Variants in NXF3 observed in about 807,000 individuals in gnomAD.
The protein encoded by NXF3 is nuclear RNA export factor 3.
In NXF3, 34 loss-of-function variants were observed where a neutral mutation model predicts 48.4. That is an observed-to-expected ratio of 0.70 (90% CI 0.53 to 0.93). NXF3 has a LOEUF of 0.93. Among genes scored for constraint, NXF3 ranks in the 40% least tolerant of loss-of-function variants. The probability of loss-of-function intolerance (pLI) is 0.00; values close to 1 mark genes in which losing one functional copy is unlikely to be tolerated. For synonymous variants in NXF3, 132 were observed against 145.7 expected (o/e 0.91, Z 0.68); for missense variants, 359 against 406.1 (o/e 0.88, Z 1.00).
At chrX:103,091,258 T>C (rs1922265191) in intron 1 of NXF3, among the ~76,000 whole-genome samples, 1 of 111,930 alleles carries the variant, frequency 8.9e-6, no homozygotes, top group Non-Finnish European at 1.9e-5. Flanking sequence ...AGTTGGAATA[T>C]TGTAAAAATT....
chrX:103,088,596 G>A lies in NXF3; in HGVS notation c.29-3713C>T. ...CTTCAGTGTGGTTTTTCAGTTCCAA[G>A]GGAAAACATACGTACTAGACATAAG... On this transcript the variant is annotated intron_variant, in intron 1 of 19. Transcript: ENST00000395065. 6 of 1,021,321 alleles carry A rather than the reference G, an allele frequency of 5.9e-6. No individual in the cohort carries two copies. In the East Asian group the frequency reaches 1.8e-4, roughly 31 times the overall value. 84.2% of individuals were successfully genotyped at this position (1,021,321 alleles called of 1,213,427 possible).
Position 103,082,334 on chromosome X carries a change from T to C in NXF3, c.811A>G (p.Lys271Glu), listed in dbSNP as rs781089713. The C allele has an allele frequency of 5.9e-5, 71 of 1,204,898 alleles. No individual in the cohort carries two copies. The Middle Eastern group carries it at 9.2e-4, about 16-fold the overall frequency. Residue 271 changes from lysine (K) to glutamate (E), a missense_variant, in exon 9 of 20, where the codon AAA (lysine) becomes GAA (glutamate). Physicochemically the swap from Lys to Glu is moderately conservative, Grantham distance 56. Transcript: ENST00000395065. Reference sequence around the variant, plus strand: ...CACTTCTCTCCTGGCTCTATCCCTTTCCACTTGTCCATCTCCCCTGCAGAC... The same window carrying C: ...CACTTCTCTCCTGGCTCTATCCCTTCCCACTTGTCCATCTCCCCTGCAGAC... Reference protein sequence around the residue: ...VMSAGEMDKWKGIEPGEKCAD... With the variant: ...VMSAGEMDKWEGIEPGEKCAD...
intron 1 of NXF3, among the ~76,000 whole-genome samples, chrX:103,090,568 G>A (rs1277978285): frequency 8.9e-6 from 1 of 112,371 alleles, no homozygotes; most frequent in Non-Finnish European, 1.9e-5. Context: ...AAGAGGAACA[G>A]GTGGGTAATT....
chrX:103,080,676 G>T, intron 9 of NXF3, 64 bp from the exon 10 acceptor site: 1 of 1,042,243 alleles, frequency 9.6e-7, no homozygotes, highest in Non-Finnish European at 1.3e-6. Context: ...CTCCTCATGG[G>T]AGCAATCACA....
intron 7 of NXF3, 72 bp from the exon 8 acceptor site, chrX:103,082,920 C>T: frequency 2.6e-6 from 3 of 1,137,697 alleles, no homozygotes; most frequent in Non-Finnish European, 3.6e-6. Context: ...GCACTAACCC[C>T]TCCCCAAGTT....
At chrX:103,076,502 T>C (rs1312633527) in intron 18 of NXF3, among the ~76,000 whole-genome samples, 1 of 111,671 alleles carries the variant, frequency 9.0e-6, no homozygotes, top group Non-Finnish European at 1.9e-5. Context: ...AAAATAAATC[T>C]TGGGGTCCCA....
chrX:103,080,056 C>G lies in NXF3; in HGVS notation c.1009G>C (p.Gly337Arg). Residue 337 changes from glycine to arginine, a missense_variant, in exon 12 of 20, where the codon GGA becomes CGA. Transcript: ENST00000395065. Reference protein sequence around the residue: ...RLPTCKGSFFGSEMLKNLVLQ... With the variant: ...RLPTCKGSFFRSEMLKNLVLQ... Reference sequence around the variant, plus strand: ...ACCAGATTCTTCAACATCTCAGATCCAAAGAAGCTTCCCTGGAATAAAGAG... The same window carrying G: ...ACCAGATTCTTCAACATCTCAGATCGAAAGAAGCTTCCCTGGAATAAAGAG... 1 of 1,211,338 alleles carries G rather than the reference C, an allele frequency of 8.3e-7. No individual in the cohort carries two copies. Among genetic ancestry groups the G allele is most frequent in the Non-Finnish European group, 1.1e-6 (1 of 895,334 alleles).
At chrX:103,079,556 T>C in intron 14 of NXF3, 28 bp downstream of exon 14, 2 of 1,203,182 alleles carry the variant, frequency 1.7e-6, no homozygotes, top group Non-Finnish European at 2.3e-6. Flanking sequence ...CCCCTTACCC[T>C]GCCCAGACTT....
At chrX:103,088,815 G>A (rs1422775532) in intron 1 of NXF3, 7 of 1,150,429 alleles carry the variant, frequency 6.1e-6, no homozygotes, top group Non-Finnish European at 8.2e-6. Flanking sequence ...TTGCCAAGTA[G>A]AATTTGGAAA....
chrX:103,092,871 C>T, intron 1 of NXF3, 125 bp downstream of exon 1: 1 of 711,888 alleles, frequency 1.4e-6, no homozygotes, highest in Admixed American at 2.5e-5. Flanking sequence ...GCCCTTGCCA[C>T]TGCCCACCCC....
chrX:103,079,904 T>C (rs745465990), intron 12 of NXF3, 34 bp from the exon 13 acceptor site: 200 of 1,182,053 alleles, frequency 1.7e-4, no homozygotes, highest in East Asian at 3.0e-4. Context: ...GCTATCTCTG[T>C]GGCCTGGGTG....
chrX:103,085,981 T>G (rs749217610), intron 1 of NXF3, among the ~76,000 whole-genome samples: 68 of 107,092 alleles, frequency 6.3e-4, no homozygotes, highest in Non-Finnish European at 1.1e-3. Flanking sequence ...CACTGTTCCC[T>G]CTCCTTATTT....
At position 103,076,265 on chromosome X, in the gene NXF3, A is replaced by G. The variant is rs1450520875; in HGVS notation, c.*25T>C. The G allele has an allele frequency of 2.5e-6, 3 of 1,209,450 alleles. No homozygotes were observed. The highest frequency in any genetic ancestry group is 3.4e-6 in the Non-Finnish European group (3 of 893,573). On this transcript the variant is annotated 3_prime_UTR_variant, in exon 19 of 20. Coordinates refer to ENST00000395065, the MANE Select transcript of NXF3 (RefSeq NM_022052.2). ...CCTTGGGCCATGCAAGAACATGAGG[A>G]GCTCTGACGTAGTCACACTGGTTGT...
In NXF3 at chrX:103,080,191, G is replaced by A. The variant is rs765241891; in HGVS notation, c.953C>T (p.Thr318Ile). 1 of 1,209,616 alleles carries A rather than the reference G, an allele frequency of 8.3e-7. No individual in the cohort carries two copies. The highest frequency in any genetic ancestry group is 1.8e-5 in the African/African-American group (1 of 56,984). The change falls in exon 11 of 20, where the codon ACT becomes ATT. Residue 318 changes from threonine (T) to isoleucine (I), a missense_variant. By Grantham distance (89) the Thr-to-Ile change is moderately conservative. Coordinates refer to ENST00000395065, the MANE Select transcript of NXF3 (RefSeq NM_022052.2). Reference protein sequence around the residue: ...CLDGQQSPRATLCGTEAHKRL... With the variant: ...CLDGQQSPRAILCGTEAHKRL... ...CTTGTGGGCTTCAGTACCACATAAA[G>A]TTGCTCTGGGTGACTGCTGGCCATC...
intron 15 of NXF3, 27 bp from the exon 16 acceptor site, chrX:103,079,290 G>A (rs749063494): frequency 3.3e-5 from 40 of 1,209,204 alleles, no homozygotes; most frequent in Non-Finnish European, 4.2e-5. Context: ...CAGGTGCTCA[G>A]GATCCCCCTT....
chrX:103,076,748 C>A (rs1287361106), intron 18 of NXF3, among the ~76,000 whole-genome samples: 1 of 102,838 alleles, frequency 9.7e-6, no homozygotes, highest in East Asian at 3.0e-4. Flanking sequence ...GTCACCCCCC[C>A]ATCCACCAGA....
At chrX:103,077,582 C>T in intron 18 of NXF3, 32 bp downstream of exon 18, 1 of 1,206,537 alleles carries the variant, frequency 8.3e-7, no homozygotes, top group Non-Finnish European at 1.1e-6. Context: ...ACTGGTAGTT[C>T]ATCCCCCAGA....
chrX:103,080,519 AGTTG>A, intron 10 of NXF3, 53 bp downstream of exon 10: 1 of 1,074,358 alleles, frequency 9.3e-7, no homozygotes, highest in Non-Finnish European at 1.3e-6. Context: ...GGTTTGGGGC[AGTTG>A]GGGGCAGCAT....
At position 103,082,814 on chromosome X, in the gene NXF3, A is replaced by G. The variant is rs952008446; in HGVS notation, c.726T>C (p.Asn242=). 6.6e-6 allele frequency: 8 copies of G among 1,210,271 alleles called. No individual in the cohort carries two copies. Among genetic ancestry groups the G allele is most frequent in the Non-Finnish European group, 8.9e-6 (8 of 894,406 alleles). Reference sequence around the variant, plus strand: ...GGGAGGCAGCCATGCACTTTCTAGGATTCGATGCCATCTTAGTATCACGGT... The same window carrying G: ...GGGAGGCAGCCATGCACTTTCTAGGGTTCGATGCCATCTTAGTATCACGGT... ...MVNRDTKMAS[N]PRKCMAASLD... Residue 242 remains asparagine, a synonymous_variant, in exon 8 of 20, where the codon AAT becomes AAC. Coordinates refer to ENST00000395065, the MANE Select transcript of NXF3 (RefSeq NM_022052.2).
Sources: gnomAD v4.1 joint callset for allele counts (sites outside exome capture counted in the v4.1 genomes callset) on GRCh38, gnomAD v4.1.1 for gene constraint, MANE v1.5 for transcripts, NCBI Gene and HGNC (gene_info 2026-07-23, HGNC 2026-07-21) for gene names.